Variants in SORCS3 observed in about 807,000 individuals in gnomAD.
SORCS3 encodes the protein sortilin related VPS10 domain containing receptor 3, also known as VPS10 domain-containing receptor SorCS3.
SORCS3 carries 57 observed loss-of-function variants against 146.3 expected under a neutral mutation model. That is an observed-to-expected ratio of 0.39 (90% CI 0.31 to 0.49). The LOEUF is 0.49. SORCS3 is among the 20% of genes least tolerant of loss of function. The probability of loss-of-function intolerance (pLI) is 0.92; values close to 1 mark genes in which losing one functional copy is unlikely to be tolerated. For missense variants in SORCS3, 1,341 were observed against 1,575.5 expected, an observed-to-expected ratio of 0.85 and a Z score of 2.52; for synonymous variants, 653 against 618.5, an observed-to-expected ratio of 1.06 and a Z score of -0.83.
chr10:105,130,050 C>T (rs2056007098), intron 7 of SORCS3, among the ~76,000 whole-genome samples: 1 of 152,140 alleles, frequency 6.6e-6, no homozygotes, highest in African/African-American at 2.4e-5. Flanking sequence ...GTTCTGCTGG[C>T]TCAGATAATA....
chr10:105,205,197 T>G (rs2119626021), intron 16 of SORCS3, among the ~76,000 whole-genome samples: 1 of 152,264 alleles, frequency 6.6e-6, no homozygotes, highest in Middle Eastern at 3.4e-3. Context: ...GAGTAAAGAC[T>G]GGGAAGGATG....
intron 2 of SORCS3, among the ~76,000 whole-genome samples, chr10:104,850,631 TG>T (rs1278359873): frequency 2.6e-5 from 4 of 152,210 alleles, no homozygotes; most frequent in Non-Finnish European, 5.9e-5. Flanking sequence ...TAGGTAGGAT[TG>T]GGAACCACTG....
intron 1 of SORCS3, among the ~76,000 whole-genome samples, chr10:104,734,011 G>T (rs763821124): frequency 3.6e-4 from 55 of 152,290 alleles, no homozygotes; most frequent in Middle Eastern, 6.8e-3. Flanking sequence ...TCATGCAATA[G>T]GAGGCATTCA....
chr10:105,096,744 C>T (rs1250918868), intron 6 of SORCS3, among the ~76,000 whole-genome samples: 1 of 151,990 alleles, frequency 6.6e-6, no homozygotes, highest in Non-Finnish European at 1.5e-5. Flanking sequence ...GCTGTGCTGT[C>T]CATTATGGTA....
intron 16 of SORCS3, among the ~76,000 whole-genome samples, chr10:105,209,925 T>G (rs1020333231): frequency 3.9e-5 from 6 of 152,188 alleles, no homozygotes; most frequent in Non-Finnish European, 8.8e-5. Context: ...TGTTCTTTAG[T>G]CATGTTTGGG....
chr10:104,722,492 T>C (rs1287806649), intron 1 of SORCS3, among the ~76,000 whole-genome samples: 1 of 152,226 alleles, frequency 6.6e-6, no homozygotes, highest in Non-Finnish European at 1.5e-5. Flanking sequence ...GCTGGCCTCA[T>C]AAAATGAGTT....
At chr10:104,783,476 G>A (rs772923241) in intron 1 of SORCS3, among the ~76,000 whole-genome samples, 1 of 152,192 alleles carries the variant, frequency 6.6e-6, no homozygotes, top group Non-Finnish European at 1.5e-5. Flanking sequence ...GCTCACACCT[G>A]TAATCCCAGC....
intron 2 of SORCS3, among the ~76,000 whole-genome samples, chr10:104,890,128 G>A (rs373673723): frequency 7.2e-5 from 11 of 151,972 alleles, no homozygotes; most frequent in South Asian, 6.2e-4. Flanking sequence ...TGAGTACGAC[G>A]TGCTTTGATG....
At chr10:104,920,799 G>A (rs1464025608) in intron 3 of SORCS3, among the ~76,000 whole-genome samples, 4 of 152,176 alleles carry the variant, frequency 2.6e-5, no homozygotes, top group African/African-American at 4.8e-5. Context: ...TGAAATGCAC[G>A]AAGCTGCTTC....
chr10:104,822,470 G>A (rs905367246), intron 1 of SORCS3, among the ~76,000 whole-genome samples: 49 of 152,158 alleles, frequency 3.2e-4, no homozygotes, highest in African/African-American at 1.1e-3. Flanking sequence ...AATAAATTAT[G>A]TGTTCTTTGT....
At chr10:105,164,867 C>T (rs2056299196) in intron 12 of SORCS3, among the ~76,000 whole-genome samples, 1 of 152,074 alleles carries the variant, frequency 6.6e-6, no homozygotes, top group South Asian at 2.1e-4. Flanking sequence ...AGCTTATATG[C>T]TTATATATGA....
At chr10:105,076,041 T>C (rs751968701) in intron 5 of SORCS3, among the ~76,000 whole-genome samples, 1 of 152,220 alleles carries the variant, frequency 6.6e-6, no homozygotes, top group East Asian at 1.9e-4. Flanking sequence ...TGTGTGTCTC[T>C]GTATGTTCCA....
At chr10:105,248,835 G>A (rs763751118) in intron 22 of SORCS3, among the ~76,000 whole-genome samples, 1 of 152,130 alleles carries the variant, frequency 6.6e-6, no homozygotes, top group Non-Finnish European at 1.5e-5. Flanking sequence ...ATGTCATATT[G>A]TGTAGGGTTT....
intron 1 of SORCS3, among the ~76,000 whole-genome samples, chr10:104,755,205 G>A (rs1417932436): frequency 6.6e-6 from 1 of 152,150 alleles, no homozygotes; most frequent in Admixed American, 6.5e-5. Context: ...CAATGATTTG[G>A]TACATTCATT....
intron 20 of SORCS3, among the ~76,000 whole-genome samples, chr10:105,242,440 TTATATATATTTA>T (rs2056831983): frequency 7.9e-5 from 5 of 63,114 alleles, no homozygotes; most frequent in South Asian, 5.8e-4. Context: ...ATACATATAT[TTATATATATTTA>T]TATATATTTA....
rs11818397 is a variant in SORCS3, at chr10:104,803,028, C to T, written c.628-39764C>T. Among the ~76,000 whole-genome samples, 909 of 152,276 alleles carry T rather than the reference C, an allele frequency of 6.0e-3. 17 individuals carry two copies. Among genetic ancestry groups the T allele is most frequent in the African/African-American group, 0.02 (849 of 41,552 alleles). On this transcript the variant is annotated intron_variant, in intron 1 of 26. Coordinates refer to ENST00000369701, the MANE Select transcript of SORCS3 (RefSeq NM_014978.3). Reference sequence around the variant, plus strand: ...GACCCAGGCTTCATCCACCTTGTTGCTCTACCACCCTCTAAGTTTGTCCTT... The same window carrying T: ...GACCCAGGCTTCATCCACCTTGTTGTTCTACCACCCTCTAAGTTTGTCCTT...
At chr10:105,195,798 A>C (rs1278641481) in intron 14 of SORCS3, among the ~76,000 whole-genome samples, 1 of 152,156 alleles carries the variant, frequency 6.6e-6, no homozygotes, top group Non-Finnish European at 1.5e-5. Flanking sequence ...CACTGATCTT[A>C]TTTGGGGCCC....
intron 14 of SORCS3, among the ~76,000 whole-genome samples, chr10:105,192,880 G>A (rs1164954457): frequency 6.6e-6 from 1 of 152,138 alleles, no homozygotes; most frequent in African/African-American, 2.4e-5. Context: ...TGACTAGGCA[G>A]GCGAGAGTCA....
intron 11 of SORCS3, 63 bp from the exon 12 acceptor site, chr10:105,164,240 C>A: frequency 8.0e-7 from 1 of 1,246,658 alleles, no homozygotes; most frequent in Non-Finnish European, 1.2e-6. Context: ...CCCCATCCCT[C>A]AGCCCTAAGC....
Sources: gnomAD v4.1 joint callset for allele counts (sites outside exome capture counted in the v4.1 genomes callset) on GRCh38, gnomAD v4.1.1 for gene constraint, MANE v1.5 for transcripts, NCBI Gene and HGNC (gene_info 2026-07-23, HGNC 2026-07-21) for gene names.